Variants in CADM2 observed in about 807,000 individuals in gnomAD.
CADM2 encodes immunoglobulin superfamily member 4D.
A neutral mutation model predicts 49.8 loss-of-function variants in CADM2; 12 were observed. That is an observed-to-expected ratio of 0.24 (90% CI 0.15 to 0.39). The LOEUF is 0.39. CADM2 is among the 10% of genes least tolerant of loss of function. The pLI is 1.00. For missense variants in CADM2, 378 were observed against 492.3 expected (o/e 0.77, Z 2.20); for synonymous variants, 214 against 175.4 (o/e 1.22, Z -1.74).
intron 1 of CADM2, among the ~76,000 whole-genome samples, chr3:85,048,073 C>CT (rs1194310451): frequency 1.3e-5 from 2 of 151,804 alleles, no homozygotes; most frequent in African/African-American, 2.4e-5. Context: ...GCTCCAAATA[C>CT]TTTTTTTTCA....
At chr3:85,673,138 C>A in intron 1 of CADM2, among the ~76,000 whole-genome samples, 1 of 152,104 alleles carries the variant, frequency 6.6e-6, no homozygotes, top group East Asian at 1.9e-4. Flanking sequence ...CACCAGGGGA[C>A]AAGTGTTCCA....
intron 3 of CADM2, among the ~76,000 whole-genome samples, chr3:85,873,542 T>G (rs1711497949): frequency 6.6e-6 from 1 of 152,094 alleles, no homozygotes; most frequent in East Asian, 1.9e-4. Flanking sequence ...GGTGTGTGCC[T>G]GTTATCCCAG....
At position 86,069,520 on chromosome 3, in the gene CADM2, A is replaced by C. The variant is rs971293448; in HGVS notation, c.*2737A>C. On this transcript the variant is annotated 3_prime_UTR_variant, in exon 10 of 10. Coordinates refer to ENST00000383699, the MANE Select transcript of CADM2 (RefSeq NM_001167675.2). ...TTAATTTTCAACCAAACAAAAAATAAATTGTAAAAATTATGCTCATTTCTA... is the reference window on the plus strand; with the variant it reads ...TTAATTTTCAACCAAACAAAAAATACATTGTAAAAATTATGCTCATTTCTA... 6.6e-6 allele frequency: 1 copy of C among 152,032 alleles called. No homozygotes were observed. Among genetic ancestry groups the C allele is most frequent in the Non-Finnish European group, 1.5e-5 (1 of 67,904 alleles). 9.4% of individuals were successfully genotyped at this position (152,032 alleles called of 1,614,324 possible).
intron 1 of CADM2, among the ~76,000 whole-genome samples, chr3:85,373,333 C>T (rs2033386838): frequency 1.3e-5 from 2 of 152,252 alleles, no homozygotes; most frequent in East Asian, 1.9e-4. Context: ...AGAATGATCT[C>T]CTTTGACTCC....
chr3:85,384,415 TA>T (rs2034092726), intron 1 of CADM2, among the ~76,000 whole-genome samples: 1 of 152,058 alleles, frequency 6.6e-6, no homozygotes, highest in Non-Finnish European at 1.5e-5. Flanking sequence ...GGGTTCAAGC[TA>T]TTCTCCCGCT....
At chr3:85,155,212 ACACATAGGCT>A (rs1482629941) in intron 1 of CADM2, among the ~76,000 whole-genome samples, 1 of 150,120 alleles carries the variant, frequency 6.7e-6, no homozygotes, top group Admixed American at 6.6e-5. Context: ...GTGCAGAGAC[ACACATAGGCT>A]CAAAATAAAA....
chr3:84,993,078 GA>G (rs1210681444), intron 1 of CADM2, among the ~76,000 whole-genome samples: 1 of 150,748 alleles, frequency 6.6e-6, no homozygotes, highest in Non-Finnish European at 1.5e-5. Flanking sequence ...ACTATTTTAA[GA>G]AAAAAAAATA....
chr3:85,668,252 C>G (rs1420610905), intron 1 of CADM2, among the ~76,000 whole-genome samples: 2 of 140,856 alleles, frequency 1.4e-5, no homozygotes, highest in Non-Finnish European at 3.0e-5. Flanking sequence ...TGTTATCTTC[C>G]CTGAGAATGA....
chr3:86,035,540 C>G (rs1182338982), intron 8 of CADM2, among the ~76,000 whole-genome samples: 1 of 152,046 alleles, frequency 6.6e-6, no homozygotes, highest in Non-Finnish European at 1.5e-5. Context: ...ATATAGTATA[C>G]TTTGCACAGT....
Position 85,454,319 on chromosome 3 carries a change from A to G in CADM2, c.62-272203A>G, listed in dbSNP as rs531769354. Among the ~76,000 whole-genome samples, 9 of 152,220 alleles carry G rather than the reference A, an allele frequency of 5.9e-5. No homozygotes were observed. In the South Asian group the frequency reaches 1.9e-3, roughly 32 times the overall value. On this transcript the variant is annotated intron_variant, in intron 1 of 9. Coordinates refer to ENST00000383699, the MANE Select transcript of CADM2 (RefSeq NM_001167675.2). ...GCACTCTAGCCTGGGCAACAGAGTG[A>G]GACTCAGTCACAAAAATAAAAAGTT...
intron 1 of CADM2, among the ~76,000 whole-genome samples, chr3:85,190,345 G>C (rs1168521569): frequency 6.6e-6 from 1 of 151,550 alleles, no homozygotes; most frequent in African/African-American, 2.4e-5. Context: ...ATCATATTTT[G>C]GTCTTCTCTT....
chr3:85,850,347 C>G (rs2075053515), intron 3 of CADM2, among the ~76,000 whole-genome samples: 1 of 109,268 alleles, frequency 9.2e-6, no homozygotes, highest in Non-Finnish European at 1.7e-5. Context: ...TTTTTTGAGA[C>G]AGAGTCTCGC....
At chr3:85,752,050 C>A (rs907884496) in intron 2 of CADM2, among the ~76,000 whole-genome samples, 3 of 150,784 alleles carry the variant, frequency 2.0e-5, no homozygotes. Context: ...AGATGTTTAA[C>A]AAAGAAGTGG....
chr3:86,037,235 C>A (rs954852072), intron 8 of CADM2, among the ~76,000 whole-genome samples: 2 of 152,078 alleles, frequency 1.3e-5, no homozygotes, highest in African/African-American at 4.8e-5. Flanking sequence ...CTCCTTGCCC[C>A]CATACTTGCT....
chr3:86,028,289 CA>C (rs1202755388), intron 8 of CADM2, among the ~76,000 whole-genome samples: 1 of 150,418 alleles, frequency 6.6e-6, no homozygotes, highest in African/African-American at 2.4e-5. Context: ...ATTCCTATTG[CA>C]AAGGTAAATT....
chr3:85,449,482 T>C (rs898802287), intron 1 of CADM2, among the ~76,000 whole-genome samples: 1 of 152,118 alleles, frequency 6.6e-6, no homozygotes, highest in African/African-American at 2.4e-5. Flanking sequence ...AGTTTTAAGC[T>C]ACAGAATGGA....
chr3:85,099,297 C>A (rs139862958), intron 1 of CADM2, among the ~76,000 whole-genome samples: 166 of 152,116 alleles, frequency 1.1e-3, no homozygotes, highest in African/African-American at 3.3e-3. Flanking sequence ...TCTCAAAGTC[C>A]AATAACATAA....
At chr3:85,360,349 A>C (rs1334399646) in intron 1 of CADM2, among the ~76,000 whole-genome samples, 3 of 152,172 alleles carry the variant, frequency 2.0e-5, no homozygotes, top group African/African-American at 7.2e-5. Flanking sequence ...AAAAAATAGC[A>C]TCTCAGATGA....
intron 2 of CADM2, among the ~76,000 whole-genome samples, chr3:85,771,657 GT>G (rs1308972163): frequency 6.6e-6 from 1 of 152,038 alleles, no homozygotes; most frequent in Non-Finnish European, 1.5e-5. Flanking sequence ...TTCTAAAAGG[GT>G]CTAAAAAGGG....
Sources: gnomAD v4.1 joint callset for allele counts (sites outside exome capture counted in the v4.1 genomes callset) on GRCh38, gnomAD v4.1.1 for gene constraint, MANE v1.5 for transcripts, NCBI Gene and HGNC (gene_info 2026-07-23, HGNC 2026-07-21) for gene names.